The following PRDM2 variants were observed in gnomAD, a reference collection of about 807,000 sequenced individuals.
The protein encoded by PRDM2 is PR domain zinc finger protein 2.
A neutral mutation model predicts 130.0 loss-of-function variants in PRDM2; 30 were observed. The observed-to-expected ratio is 0.23, with a 90% CI of 0.17 to 0.31. The LOEUF (loss-of-function observed/expected upper bound fraction) is 0.31. Among genes scored for constraint, PRDM2 ranks in the 10% least tolerant of loss-of-function variants. The pLI, the probability that PRDM2 is intolerant of heterozygous loss-of-function variation, is 1.00. For synonymous variants in PRDM2, 871 were observed against 782.4 expected, an observed-to-expected ratio of 1.11 and a Z score of -1.89; for missense variants, 2,011 against 2,108.4, an observed-to-expected ratio of 0.95 and a Z score of 0.90.
At chr1:13,768,393 T>C (rs1203673534) in intron 6 of PRDM2, among the ~76,000 whole-genome samples, 2 of 149,088 alleles carry the variant, frequency 1.3e-5, no homozygotes, top group Non-Finnish European at 3.0e-5. Flanking sequence ...TTCTTTTTTT[T>C]TTTAAGATGG....
chr1:13,820,932 TGGGCAC>T (rs1406534116), intron 9 of PRDM2, among the ~76,000 whole-genome samples: 20 of 152,270 alleles, frequency 1.3e-4, no homozygotes, highest in African/African-American at 4.6e-4. Flanking sequence ...CCCTGGCTCA[TGGGCAC>T]GGGCACACAG....
intron 8 of PRDM2, chr1:13,783,349 A>G (rs1644664028): frequency 2.8e-6 from 1 of 362,750 alleles, no homozygotes; most frequent in Non-Finnish European, 5.4e-6. Flanking sequence ...GCATCGGTCA[A>G]AACAAAACAT....
Position 13,779,902 on chromosome 1 carries a change from C to CCTT in PRDM2, c.2109_2110insTCT (p.Pro703_Ala704insSer), listed in dbSNP as rs141601287. ...TCTTCAAACCCAAGATAAACTAACT[C>CCTT]CTGCAGGGATTTCAGCAACTGAAAT... On this transcript the variant is annotated inframe_insertion, in exon 8 of 10. Transcript: ENST00000311066. This position sits in a 1 kb window ranked among gnomAD's most constrained non-coding sequence, Gnocchi z 4.9. 9.3e-6 allele frequency: 15 copies of CCTT among 1,613,792 alleles called. No homozygotes were observed. The East Asian group carries it at 2.9e-4, about 31-fold the overall frequency.
chr1:13,791,277 C>CTTTAGTT (rs1644834650), intron 8 of PRDM2, among the ~76,000 whole-genome samples: 4 of 152,122 alleles, frequency 2.6e-5, no homozygotes, highest in African/African-American at 9.7e-5. Flanking sequence ...GGAGTTGCTC[C>CTTTAGTT]TGGACCCATT....
At chr1:13,770,182 C>T (rs147202184) in intron 6 of PRDM2, 14 of 334,970 alleles carry the variant, frequency 4.2e-5, no homozygotes, top group Non-Finnish European at 8.3e-5. Context: ...AGGGTCATGG[C>T]TTTTAAAGAG....
At chr1:13,770,821 G>C (rs1287338099) in intron 6 of PRDM2, among the ~76,000 whole-genome samples, 1 of 152,036 alleles carries the variant, frequency 6.6e-6, no homozygotes, top group Non-Finnish European at 1.5e-5. Flanking sequence ...GAATCTGTGG[G>C]CTACACCAGG....
intron 8 of PRDM2, among the ~76,000 whole-genome samples, chr1:13,784,735 G>A (rs1232849168): frequency 1.3e-5 from 2 of 152,146 alleles, no homozygotes; most frequent in Non-Finnish European, 2.9e-5. Context: ...GTGAAATTTT[G>A]CCTAAAAGGA....
intron 1 of PRDM2, among the ~76,000 whole-genome samples, chr1:13,711,604 C>T (rs1182760673): frequency 6.6e-6 from 1 of 152,192 alleles, no homozygotes; most frequent in African/African-American, 2.4e-5. Flanking sequence ...AGAGACTCCG[C>T]CCAGGTCTTA....
intron 6 of PRDM2, among the ~76,000 whole-genome samples, chr1:13,764,459 G>T (rs1644177485): frequency 6.6e-6 from 1 of 152,266 alleles, no homozygotes; most frequent in East Asian, 1.9e-4. Flanking sequence ...ACTTTTTGAG[G>T]CTCCAAAGAA....
chr1:13,777,663 A>C, intron 7 of PRDM2, among the ~76,000 whole-genome samples: 3 of 74,074 alleles, frequency 4.1e-5, no homozygotes, highest in South Asian at 7.5e-4. Flanking sequence ...TGCATGCCTC[A>C]TTTTCCTTAG....
At chr1:13,762,770 C>T (rs1373252939) in intron 6 of PRDM2, among the ~76,000 whole-genome samples, 3 of 152,222 alleles carry the variant, frequency 2.0e-5, no homozygotes, top group Admixed American at 2.0e-4. Context: ...GCGCGCTCCT[C>T]AGGCTTCCCG....
chr1:13,700,650 G>GGTGGGGCCACCTGGGGCCCCAC (rs1038272972), intron 1 of PRDM2, among the ~76,000 whole-genome samples: 3 of 151,728 alleles, frequency 2.0e-5, no homozygotes, highest in Non-Finnish European at 4.4e-5. Flanking sequence ...TGCGGGCGGC[G>GGTGGGGCCACCTGGGGCCCCAC]GTGGGGCCAC....
At chr1:13,786,680 C>T in intron 8 of PRDM2, 1 of 1,506,882 alleles carries the variant, frequency 6.6e-7, no homozygotes, top group Non-Finnish European at 8.8e-7. Flanking sequence ...TGATTGCCGG[C>T]AGGCTTAGAG....
chr1:13,704,647 G>T (rs1642154574), intron 1 of PRDM2, among the ~76,000 whole-genome samples: 1 of 152,174 alleles, frequency 6.6e-6, no homozygotes, highest in South Asian at 2.1e-4. Context: ...CTGGAAATTG[G>T]TAAAACCCAC....
intron 8 of PRDM2, among the ~76,000 whole-genome samples, chr1:13,790,054 C>T (rs1405064271): frequency 6.7e-6 from 1 of 149,848 alleles, no homozygotes; most frequent in Admixed American, 6.8e-5. Flanking sequence ...AAGCCCTGCC[C>T]TTCAACACCG....
At chr1:13,792,644 ATC>A (rs1480023040) in intron 8 of PRDM2, among the ~76,000 whole-genome samples, 1 of 152,226 alleles carries the variant, frequency 6.6e-6, no homozygotes, top group East Asian at 1.9e-4. Context: ...TTCAGAAAAC[ATC>A]TTTCAACAGC....
intron 1 of PRDM2, among the ~76,000 whole-genome samples, chr1:13,706,874 A>G (rs2100385203): frequency 6.6e-6 from 1 of 152,220 alleles, no homozygotes; most frequent in African/African-American, 2.4e-5. Flanking sequence ...AGGCATTGCC[A>G]TTATTTTTAA....
intron 1 of PRDM2, among the ~76,000 whole-genome samples, chr1:13,712,358 A>G (rs919138370): frequency 2.0e-5 from 3 of 152,256 alleles, no homozygotes; most frequent in Non-Finnish European, 2.9e-5. Flanking sequence ...AGCAATGACA[A>G]AAGGTGAGGA....
In PRDM2 at chr1:13,778,608, G is replaced by T; in HGVS notation, c.813G>T (p.Glu271Asp). Residue 271 changes from glutamate to aspartate, a missense_variant, in exon 8 of 10, where the codon GAG becomes GAT. Glu to Asp is a conservative substitution (Grantham distance 45). This residue lies in a region of PRDM2 where 1,288 missense variants were observed against 1,237.7 expected (regional missense o/e 1.04). Transcript: ENST00000311066. ...TGAATGATTTGGGGGAAGAGGAGGA[G>T]GAGGAAGAGGAGGAGGATGAAGAAG... Reference protein sequence around the residue: ...CEVNDLGEEEEEEEEEDEEEE... With the variant: ...CEVNDLGEEEDEEEEEDEEEE... 1 of 1,613,494 alleles carries T rather than the reference G, an allele frequency of 6.2e-7. No individual in the cohort carries two copies. Among genetic ancestry groups the T allele is most frequent in the South Asian group, 1.1e-5 (1 of 91,024 alleles).
Sources: gnomAD v4.1 joint callset for allele counts (sites outside exome capture counted in the v4.1 genomes callset) on GRCh38, gnomAD v4.1.1 for gene constraint, gnomAD v4.1.1 regional missense constraint, Gnocchi (gnomAD v3.1) non-coding constraint, MANE v1.5 for transcripts, NCBI Gene and HGNC (gene_info 2026-07-23, HGNC 2026-07-21) for gene names.